The following ATRNL1 variants were observed in gnomAD, a reference collection of about 807,000 sequenced individuals.
ATRNL1 encodes the protein attractin like 1.
In ATRNL1, 95 loss-of-function variants were observed where a neutral mutation model predicts 182.7. The observed-to-expected ratio is 0.52, with a 90% CI of 0.44 to 0.62. The LOEUF (loss-of-function observed/expected upper bound fraction) is 0.62. Ranked by LOEUF, ATRNL1 falls within the 20% of genes least tolerant of loss-of-function variation. ATRNL1 has a pLI of 0.00. For missense variants in ATRNL1, 1,471 were observed against 1,679.5 expected (o/e 0.88, Z 2.17); for synonymous variants, 576 against 568.3 (o/e 1.01, Z -0.19).
intron 1 of ATRNL1, among the ~76,000 whole-genome samples, chr10:115,116,071 A>G (rs1844472551): frequency 6.6e-6 from 1 of 152,140 alleles, no homozygotes. Flanking sequence ...TAGATATTTT[A>G]GGCTTTGTTG....
intron 24 of ATRNL1, among the ~76,000 whole-genome samples, chr10:115,501,259 C>T (rs535237833): frequency 1.3e-5 from 2 of 152,110 alleles, no homozygotes; most frequent in South Asian, 4.2e-4. Context: ...TAAAGCTGTG[C>T]CCAGCCATGG....
At chr10:115,556,301 C>G (rs12255338) in intron 26 of ATRNL1, among the ~76,000 whole-genome samples, 2,680 of 152,132 alleles carry the variant, frequency 0.018, 72 homozygotes, top group African/African-American at 0.061. Context: ...ATAATTTTGT[C>G]ATATGTCATT....
intron 20 of ATRNL1, among the ~76,000 whole-genome samples, chr10:115,418,271 GAATGAAATGAATGAGTGA>G (rs1282618761): frequency 6.6e-6 from 1 of 152,130 alleles, no homozygotes; most frequent in East Asian, 1.9e-4. Context: ...TCCTGGAGGT[GAATGAAATGAATGAGTGA>G]AATGAAATAC....
chr10:115,790,256 GAAAA>G (rs10551374), intron 27 of ATRNL1, among the ~76,000 whole-genome samples: 1 of 143,128 alleles, frequency 7.0e-6, no homozygotes, highest in African/African-American at 2.6e-5. Flanking sequence ...AGTTTAAAAA[GAAAA>G]AAAAAAAAAA....
At chr10:115,281,094 G>T (rs1482193399) in intron 13 of ATRNL1, among the ~76,000 whole-genome samples, 3 of 152,168 alleles carry the variant, frequency 2.0e-5, no homozygotes, top group Non-Finnish European at 2.9e-5. Flanking sequence ...TCTGTTACAA[G>T]AATATGCTTG....
intron 26 of ATRNL1, among the ~76,000 whole-genome samples, chr10:115,580,072 TTTAG>T: frequency 6.6e-6 from 1 of 152,096 alleles, no homozygotes; most frequent in Non-Finnish European, 1.5e-5. Context: ...ATTCACACAA[TTTAG>T]TTATAGTTGT....
intron 27 of ATRNL1, among the ~76,000 whole-genome samples, chr10:115,765,692 A>G (rs1180775572): frequency 6.6e-6 from 1 of 152,196 alleles, no homozygotes; most frequent in Non-Finnish European, 1.5e-5. Context: ...CTTTGGTGTT[A>G]TATGTAAAAA....
intron 19 of ATRNL1, among the ~76,000 whole-genome samples, chr10:115,356,055 A>G (rs1268821992): frequency 1.3e-5 from 2 of 152,142 alleles, no homozygotes; most frequent in Non-Finnish European, 2.9e-5. Flanking sequence ...TTTAATACAC[A>G]CACTAGGATG....
chr10:115,392,624 G>A (rs1554954611), intron 19 of ATRNL1, among the ~76,000 whole-genome samples: 1 of 152,058 alleles, frequency 6.6e-6, no homozygotes, highest in East Asian at 1.9e-4. Flanking sequence ...TATGTGTGAA[G>A]AATAGTTGTC....
chr10:115,936,991 T>A (rs932075974), intron 28 of ATRNL1, among the ~76,000 whole-genome samples: 3 of 152,174 alleles, frequency 2.0e-5, no homozygotes, highest in Non-Finnish European at 4.4e-5. Flanking sequence ...ATAAACCAAG[T>A]AAAGTTTTTG....
At position 115,521,275 on chromosome 10, in the gene ATRNL1, C is replaced by T. The variant is rs1467393985; in HGVS notation, c.3716+1951C>T. 2.0e-5 allele frequency among the ~76,000 whole-genome samples: 3 copies of T among 151,976 alleles called. No homozygotes were observed. The East Asian group carries it at 5.8e-4, about 30-fold the overall frequency. ...TTCAAGCATTTCTCCTGCCTCAGCT[C>T]CTGAGTAGCTGGGATTACAGGCACG... is the stretch of plus-strand genomic sequence containing the variant. On this transcript the variant is annotated intron_variant, in intron 25 of 28. Coordinates refer to ENST00000355044, the MANE Select transcript of ATRNL1 (RefSeq NM_207303.4).
intron 28 of ATRNL1, among the ~76,000 whole-genome samples, chr10:115,942,190 A>G (rs1191475253): frequency 6.6e-6 from 1 of 152,208 alleles, no homozygotes. Context: ...ACATAATTCC[A>G]TGCATCCACA....
At chr10:115,611,138 C>T (rs375428143) in intron 26 of ATRNL1, among the ~76,000 whole-genome samples, 2 of 150,978 alleles carry the variant, frequency 1.3e-5, no homozygotes, top group African/African-American at 4.9e-5. Flanking sequence ...ATTTGTATAC[C>T]TCTGTGGGTA....
intron 21 of ATRNL1, among the ~76,000 whole-genome samples, chr10:115,455,719 T>C (rs1371263817): frequency 6.6e-6 from 1 of 151,698 alleles, no homozygotes; most frequent in Non-Finnish European, 1.5e-5. Flanking sequence ...TGGGAGAAAA[T>C]TTTTGCAATC....
chr10:115,199,028 T>A (rs559428805), intron 8 of ATRNL1, among the ~76,000 whole-genome samples: 2 of 152,180 alleles, frequency 1.3e-5, no homozygotes, highest in East Asian at 1.9e-4. Flanking sequence ...TTTTAAAAAA[T>A]TTTTTGTGAA....
chr10:115,303,436 T>G lies in ATRNL1; in HGVS notation c.2818+1393T>G, dbSNP rs976277408. On this transcript the variant is annotated intron_variant, in intron 17 of 28. Transcript: ENST00000355044. ...GATGGGGTTTCACTGTTGGCCAGGC[T>G]GATCTCGAACTCCTGACCTCATGAT... Among the ~76,000 whole-genome samples, 21 of 152,174 alleles carry G rather than the reference T, an allele frequency of 1.4e-4. No individual in the cohort carries two copies. The South Asian group carries it at 1.5e-3, about 11-fold the overall frequency.
chr10:115,564,563 G>A (rs189329217), intron 26 of ATRNL1, among the ~76,000 whole-genome samples: 1 of 151,630 alleles, frequency 6.6e-6, no homozygotes, highest in East Asian at 1.9e-4. Flanking sequence ...CCTCTTTATT[G>A]GAAATAAACA....
intron 20 of ATRNL1, among the ~76,000 whole-genome samples, chr10:115,405,507 G>A (rs1047364069): frequency 6.6e-6 from 1 of 152,040 alleles, no homozygotes; most frequent in African/African-American, 2.4e-5. Context: ...TCTTGTTTTG[G>A]CAATTTGCCG....
At chr10:115,628,329 A>T (rs1270284859) in intron 26 of ATRNL1, among the ~76,000 whole-genome samples, 1 of 152,134 alleles carries the variant, frequency 6.6e-6, no homozygotes, top group African/African-American at 2.4e-5. Flanking sequence ...AATAACTAAT[A>T]ATGTTGAACA....
Sources: gnomAD v4.1 joint callset for allele counts (sites outside exome capture counted in the v4.1 genomes callset) on GRCh38, gnomAD v4.1.1 for gene constraint, MANE v1.5 for transcripts, NCBI Gene and HGNC (gene_info 2026-07-23, HGNC 2026-07-21) for gene names.